FAM13C: variants seen among roughly 807,000 people sequenced by gnomAD.
FAM13C encodes protein FAM13C.
FAM13C carries 37 observed loss-of-function variants against 73.2 expected under a neutral mutation model. The ratio of observed to expected loss-of-function variants is 0.51; its 90% CI spans 0.39 to 0.67. FAM13C has a LOEUF of 0.67. Ranked by LOEUF, FAM13C falls within the 30% of genes least tolerant of loss-of-function variation. The pLI is 0.00. For missense variants in FAM13C, 589 were observed against 715.6 expected, an observed-to-expected ratio of 0.82 and a Z score of 2.02; for synonymous variants, 246 against 260.9, an observed-to-expected ratio of 0.94 and a Z score of 0.55.
intron 4 of FAM13C, among the ~76,000 whole-genome samples, chr10:59,307,439 C>A (rs1365661152): frequency 6.6e-6 from 1 of 152,218 alleles, no homozygotes; most frequent in Non-Finnish European, 1.5e-5. Flanking sequence ...CAGAGTGGGT[C>A]TTCCAGGCAG....
chr10:59,316,335 A>T (rs1296887865), intron 4 of FAM13C, among the ~76,000 whole-genome samples: 1 of 152,196 alleles, frequency 6.6e-6, no homozygotes, highest in Non-Finnish European at 1.5e-5. Context: ...AGAAAACTAT[A>T]ATGGATGCAC....
chr10:59,272,283 C>T (rs897190609), intron 6 of FAM13C, among the ~76,000 whole-genome samples: 8 of 152,214 alleles, frequency 5.3e-5, no homozygotes, highest in African/African-American at 1.9e-4. Context: ...AATTGAAAAG[C>T]AACACCAGTC....
At chr10:59,265,612 T>C (rs1479953773) in intron 8 of FAM13C, among the ~76,000 whole-genome samples, 1 of 152,180 alleles carries the variant, frequency 6.6e-6, no homozygotes, top group Non-Finnish European at 1.5e-5. Context: ...TTTTGAAATA[T>C]GGTAAAAACA....
chr10:59,262,825 G>T (rs2133467476), intron 9 of FAM13C, among the ~76,000 whole-genome samples, 180 bp from the exon 10 acceptor site: 1 of 152,284 alleles, frequency 6.6e-6, no homozygotes, highest in African/African-American at 2.4e-5. Flanking sequence ...TCCCAATCGG[G>T]TGTGAAAACA....
In FAM13C at chr10:59,258,122, A is replaced by G. The variant is rs1047369279; in HGVS notation, c.1237-3679T>C. ...GTCTTGATATAAAAAGATATCCAGAATATACAAAGTAAAAAGGATGCATAA... is the reference window on the plus strand; with the variant it reads ...GTCTTGATATAAAAAGATATCCAGAGTATACAAAGTAAAAAGGATGCATAA... On this transcript the variant is annotated intron_variant, in intron 10 of 13. Coordinates refer to ENST00000618804, the MANE Select transcript of FAM13C (RefSeq NM_198215.4). Among the ~76,000 whole-genome samples, 3 of 152,218 alleles carry G rather than the reference A, an allele frequency of 2.0e-5. No individual in the cohort carries two copies. The East Asian group carries it at 5.8e-4, about 29-fold the overall frequency.
chr10:59,291,953 G>T (rs11006430), intron 5 of FAM13C, among the ~76,000 whole-genome samples: 6,701 of 151,670 alleles, frequency 0.044, 308 homozygotes, highest in African/African-American at 0.11. Flanking sequence ...CACGCCTGGC[G>T]AATTTTTTAT....
chr10:59,321,856 C>T (rs1198056645), intron 4 of FAM13C, among the ~76,000 whole-genome samples: 1 of 152,238 alleles, frequency 6.6e-6, no homozygotes, highest in Non-Finnish European at 1.5e-5. Flanking sequence ...AAGGTGGCCT[C>T]TTGCTACAGA....
intron 8 of FAM13C, among the ~76,000 whole-genome samples, chr10:59,265,151 T>C (rs568447293): frequency 2.0e-3 from 298 of 152,124 alleles, no homozygotes; most frequent in Non-Finnish European, 3.1e-3. Flanking sequence ...AGTTTAGGTA[T>C]GCTCATTGTA....
At position 59,323,528 on chromosome 10, in the gene FAM13C, C is replaced by A. The variant is rs191530877; in HGVS notation, c.443+460G>T. The A allele has an allele frequency of 1.5e-3, 264 of 170,414 alleles. 2 individuals are homozygous for A. Among genetic ancestry groups the A allele is most frequent in the Non-Finnish European group, 7.2e-4 (56 of 78,074 alleles). The allele number at this position is 170,414 out of a possible 1,614,324, so 10.6% of individuals were successfully genotyped here. ...TCCTTTTCACTTGTGCAACATCAGG[C>A]AAGTGCCTTAATATGTTTCAGACTA... On this transcript the variant is annotated intron_variant, in intron 4 of 13. Transcript: ENST00000618804.
intron 5 of FAM13C, among the ~76,000 whole-genome samples, chr10:59,291,937 C>T (rs543771154): frequency 1.3e-5 from 2 of 151,946 alleles, no homozygotes; most frequent in East Asian, 1.9e-4. Flanking sequence ...TACAGGCGCC[C>T]ACCATCACGC....
intron 12 of FAM13C, among the ~76,000 whole-genome samples, chr10:59,251,932 A>C (rs1242896547): frequency 6.6e-6 from 1 of 152,136 alleles, no homozygotes; most frequent in Non-Finnish European, 1.5e-5. Context: ...GATTGAATCC[A>C]CTGAAGGAAC....
At chr10:59,314,505 A>G (rs933940053) in intron 4 of FAM13C, among the ~76,000 whole-genome samples, 37 of 152,188 alleles carry the variant, frequency 2.4e-4, no homozygotes, top group African/African-American at 8.7e-4. Context: ...TTTACACTAC[A>G]GTATCTTGGA....
intron 1 of FAM13C, 21 bp from the exon 2 acceptor site, chr10:59,355,964 AT>A (rs919716587): frequency 1.2e-6 from 2 of 1,610,382 alleles, no homozygotes; most frequent in African/African-American, 2.7e-5. Context: ...GGGAAGAAAA[AT>A]CACATCAGAT....
At chr10:59,323,268 A>G (rs917563719) in intron 4 of FAM13C, 2 of 152,390 alleles carry the variant, frequency 1.3e-5, no homozygotes, top group Admixed American at 6.5e-5. Context: ...GAGACTTTCC[A>G]TAGACAGCTG....
chr10:59,347,516 C>T (rs1691000287), intron 3 of FAM13C, among the ~76,000 whole-genome samples: 1 of 151,050 alleles, frequency 6.6e-6, no homozygotes, highest in South Asian at 2.1e-4. Flanking sequence ...TGCCCCACAC[C>T]TATTTTTTTT....
chr10:59,327,006 AT>A (rs1851236665), intron 3 of FAM13C, among the ~76,000 whole-genome samples: 1 of 152,232 alleles, frequency 6.6e-6, no homozygotes, highest in South Asian at 2.1e-4. Flanking sequence ...TAGGAAAAAA[AT>A]AATGCCACAT....
chr10:59,343,853 G>T (rs1853848614), intron 3 of FAM13C, among the ~76,000 whole-genome samples: 1 of 152,154 alleles, frequency 6.6e-6, no homozygotes, highest in South Asian at 2.1e-4. Context: ...TATTGCAGCA[G>T]AGTTCAGCCT....
intron 5 of FAM13C, chr10:59,300,830 G>A (rs1025372936): frequency 3.9e-5 from 6 of 152,194 alleles, no homozygotes; most frequent in Non-Finnish European, 7.3e-5. Context: ...ATTACAAAGA[G>A]GCATCTGGGA....
chr10:59,261,445 A>G (rs1378485032), intron 10 of FAM13C, among the ~76,000 whole-genome samples: 1 of 152,200 alleles, frequency 6.6e-6, no homozygotes, highest in Admixed American at 6.5e-5. Flanking sequence ...GTACAATAGA[A>G]CAGGGAAAGG....
Sources: gnomAD v4.1 joint callset for allele counts (sites outside exome capture counted in the v4.1 genomes callset) on GRCh38, gnomAD v4.1.1 for gene constraint, MANE v1.5 for transcripts, NCBI Gene and HGNC (gene_info 2026-07-23, HGNC 2026-07-21) for gene names.